The following LRFN5 variants were observed in gnomAD, a reference collection of about 807,000 sequenced individuals.
The protein encoded by LRFN5 is leucine rich repeat and fibronectin type III domain containing 5.
Under a neutral mutation model 45.6 loss-of-function variants are expected in LRFN5, and 24 were observed. That is an observed-to-expected ratio of 0.53 (90% confidence interval 0.38 to 0.74). LRFN5 has a LOEUF of 0.74. Among genes scored for constraint, LRFN5 ranks in the 30% least tolerant of loss-of-function variants. LRFN5 has a pLI of 0.00. For missense variants in LRFN5, 776 were observed against 861.5 expected (o/e 0.90, Z 1.24); for synonymous variants, 340 against 313.8 (o/e 1.08, Z -0.88).
chr14:41,898,621 C>A (rs75610002), intron 4 of LRFN5, among the ~76,000 whole-genome samples: 2 of 152,030 alleles, frequency 1.3e-5, no homozygotes, highest in Non-Finnish European at 2.9e-5. Flanking sequence ...TCTTATTGAA[C>A]TCTGTCACGA....
chr14:41,902,247 G>A (rs567031435), intron 5 of LRFN5, among the ~76,000 whole-genome samples: 2 of 151,890 alleles, frequency 1.3e-5, no homozygotes, highest in African/African-American at 2.4e-5. Context: ...CTTAAATGAG[G>A]ACAATAACCA....
At chr14:41,717,066 G>T (rs900854465) in intron 1 of LRFN5, among the ~76,000 whole-genome samples, 3 of 152,008 alleles carry the variant, frequency 2.0e-5, no homozygotes, top group African/African-American at 7.2e-5. Flanking sequence ...AACCACACAG[G>T]CTCATGATAG....
chr14:41,751,408 A>G (rs746994698), intron 1 of LRFN5, among the ~76,000 whole-genome samples: 39 of 152,164 alleles, frequency 2.6e-4, no homozygotes, highest in Admixed American at 2.6e-4. Flanking sequence ...AATTGAAATT[A>G]TAATCCTTCC....
chr14:41,615,423 A>G (rs1047197822), intron 1 of LRFN5, among the ~76,000 whole-genome samples: 24 of 152,126 alleles, frequency 1.6e-4, no homozygotes, highest in African/African-American at 5.6e-4. Context: ...TGTGCTTATG[A>G]CTAAACATAT....
chr14:41,656,520 A>G (rs1204937490), intron 1 of LRFN5, among the ~76,000 whole-genome samples: 4 of 151,894 alleles, frequency 2.6e-5, no homozygotes, highest in African/African-American at 9.7e-5. Context: ...ATGAATTCAA[A>G]TCTTCCAGTC....
chr14:41,885,684 G>T (rs1012802385), intron 2 of LRFN5, among the ~76,000 whole-genome samples: 1 of 151,964 alleles, frequency 6.6e-6, no homozygotes, highest in African/African-American at 2.4e-5. Context: ...ATTCAACCTT[G>T]TTATTTTTTG....
chr14:41,819,728 T>G lies in LRFN5; in HGVS notation c.-21+52699T>G, dbSNP rs112580459. On this transcript the variant is annotated intron_variant, in intron 2 of 5. Coordinates refer to ENST00000298119, the MANE Select transcript of LRFN5 (RefSeq NM_152447.5). The stretch of plus-strand genomic sequence containing the variant: ...AACCAGATCTCATGAGAACTCATTA[T>G]GGTCACTAGAGTGCCAAGAACGATG... Among the ~76,000 whole-genome samples the G allele has an allele frequency of 8.4e-3, 1,271 of 152,178 alleles. 21 individuals carry two copies. The highest frequency in any genetic ancestry group is 0.029 in the African/African-American group (1,204 of 41,520).
At chr14:41,745,621 T>G (rs1884887772) in intron 1 of LRFN5, among the ~76,000 whole-genome samples, 1 of 150,066 alleles carries the variant, frequency 6.7e-6, no homozygotes, top group Non-Finnish European at 1.5e-5. Flanking sequence ...TAATAAAAAT[T>G]TATGAATATT....
chr14:41,802,737 T>C (rs1195621334), intron 2 of LRFN5, among the ~76,000 whole-genome samples: 3 of 151,372 alleles, frequency 2.0e-5, no homozygotes, highest in Non-Finnish European at 4.4e-5. Context: ...ATAGGCAGGA[T>C]TTTTTTTTCC....
chr14:41,870,065 C>A (rs1031813827), intron 2 of LRFN5, among the ~76,000 whole-genome samples: 6 of 152,128 alleles, frequency 3.9e-5, no homozygotes, highest in Non-Finnish European at 7.4e-5. Context: ...GAGTAGGAAT[C>A]TAAACACATC....
At chr14:41,903,204 TAA>T (rs1164509927) in intron 5 of LRFN5, among the ~76,000 whole-genome samples, 2 of 151,328 alleles carry the variant, frequency 1.3e-5, no homozygotes, top group Non-Finnish European at 3.0e-5. Context: ...TAACTTCACA[TAA>T]AGTTACCAAA....
At chr14:41,691,809 T>C (rs1221563597) in intron 1 of LRFN5, among the ~76,000 whole-genome samples, 1 of 152,122 alleles carries the variant, frequency 6.6e-6, no homozygotes, top group Non-Finnish European at 1.5e-5. Flanking sequence ...TGTCTAACAC[T>C]GTGGATTAGT....
chr14:41,784,750 T>C (rs1429420288), intron 2 of LRFN5, among the ~76,000 whole-genome samples: 1 of 152,074 alleles, frequency 6.6e-6, no homozygotes, highest in African/African-American at 2.4e-5. Flanking sequence ...TGCCTCAGCC[T>C]CCCAAGTAGC....
chr14:41,694,416 T>C (rs151033123), intron 1 of LRFN5, among the ~76,000 whole-genome samples: 3 of 152,116 alleles, frequency 2.0e-5, no homozygotes, highest in Non-Finnish European at 4.4e-5. Context: ...TGATACTATA[T>C]ATAAATTCTA....
At chr14:41,626,077 G>A (rs1298426952) in intron 1 of LRFN5, among the ~76,000 whole-genome samples, 1 of 151,960 alleles carries the variant, frequency 6.6e-6, no homozygotes, top group Non-Finnish European at 1.5e-5. Flanking sequence ...AGGGTGGGAG[G>A]TTCTAGGGTA....
intron 4 of LRFN5, among the ~76,000 whole-genome samples, chr14:41,897,820 A>ATAAG (rs1451237124): frequency 1.3e-5 from 2 of 152,120 alleles, no homozygotes; most frequent in Non-Finnish European, 2.9e-5. Context: ...TCATTAAGGA[A>ATAAG]TAAGCCATGA....
rs140531462 is a variant in LRFN5, at chr14:41,861,105, C to A, written c.-20-25501C>A. Among the ~76,000 whole-genome samples the A allele has an allele frequency of 5.7e-3, 875 of 152,230 alleles. 12 individuals carry two copies. Among genetic ancestry groups the A allele is most frequent in the African/African-American group, 0.02 (837 of 41,536 alleles). On this transcript the variant is annotated intron_variant, in intron 2 of 5. Transcript: ENST00000298119. Reference sequence around the variant, plus strand: ...ATACATTTTTAATTTAATATGTTATCTCCCAGGTTTCCTTGCTATAAAGAA... The same window carrying A: ...ATACATTTTTAATTTAATATGTTATATCCCAGGTTTCCTTGCTATAAAGAA...
intron 2 of LRFN5, among the ~76,000 whole-genome samples, chr14:41,837,661 T>C (rs1888709735): frequency 6.8e-6 from 1 of 147,976 alleles, no homozygotes; most frequent in African/African-American, 2.6e-5. Flanking sequence ...AAAGGGATCA[T>C]TTTTTTTTTC....
At chr14:41,768,324 A>G (rs1302610615) in intron 2 of LRFN5, among the ~76,000 whole-genome samples, 2 of 152,140 alleles carry the variant, frequency 1.3e-5, no homozygotes, top group Non-Finnish European at 2.9e-5. Context: ...ATATACAAAA[A>G]TAATATATCT....
Sources: gnomAD v4.1 joint callset for allele counts (sites outside exome capture counted in the v4.1 genomes callset) on GRCh38, gnomAD v4.1.1 for gene constraint, MANE v1.5 for transcripts, NCBI Gene and HGNC (gene_info 2026-07-23, HGNC 2026-07-21) for gene names.